NOS2: variants seen among roughly 807,000 people sequenced by gnomAD.
NOS2 encodes the protein nitric oxide synthase, inducible.
In NOS2, 96 loss-of-function variants were observed where a neutral mutation model predicts 136.0. That is an observed-to-expected ratio of 0.71 (90% CI 0.60 to 0.84). The LOEUF (loss-of-function observed/expected upper bound fraction) is 0.84. Ranked by LOEUF, NOS2 falls within the 40% of genes least tolerant of loss-of-function variation. NOS2 has a pLI of 0.00. For missense variants in NOS2, 1,237 were observed against 1,496.9 expected (o/e 0.83, Z 2.87); for synonymous variants, 539 against 587.5 (o/e 0.92, Z 1.20).
intron 5 of NOS2, among the ~76,000 whole-genome samples, chr17:27,787,251 T>C (rs1263156789): frequency 6.6e-6 from 1 of 152,056 alleles, no homozygotes; most frequent in Non-Finnish European, 1.5e-5. Context: ...AATTAAAGGG[T>C]CCATATTAAT....
Position 27,762,778 on chromosome 17 carries a change from A to T in NOS2, c.2800+20T>A, listed in dbSNP as rs1202155307. The T allele has an allele frequency of 4.6e-6, 7 of 1,516,196 alleles. No individual in the cohort carries two copies. The highest frequency in any genetic ancestry group is 6.2e-6 in the Non-Finnish European group (7 of 1,121,314). The allele number at this position is 1,516,196 out of a possible 1,614,324, so 93.9% of individuals were successfully genotyped here. ...AATGGGCGGAGCGGGGCTGTTCCAG[A>T]GCCTCTGCCCCTGGCTCACCTCGGG... On this transcript the variant is annotated intron_variant, in intron 22 of 26. Transcript: ENST00000313735.
At chr17:27,784,964 G>A (rs895780328) in intron 5 of NOS2, among the ~76,000 whole-genome samples, 3 of 152,142 alleles carry the variant, frequency 2.0e-5, no homozygotes, top group South Asian at 2.1e-4. Context: ...ACCAAGCATG[G>A]CCCTGTAGCC....
At chr17:27,759,834 A>C (rs1254453797) in intron 25 of NOS2, among the ~76,000 whole-genome samples, 196 bp downstream of exon 25, 1 of 152,108 alleles carries the variant, frequency 6.6e-6, no homozygotes, top group Non-Finnish European at 1.5e-5. Context: ...GTTAGTCCTG[A>C]ACCTCTCCAG....
chr17:27,763,130 G>C, intron 21 of NOS2, 125 bp from the exon 22 acceptor site: 1 of 682,722 alleles, frequency 1.5e-6, no homozygotes, highest in South Asian at 1.9e-5. Context: ...GCCAGGCACT[G>C]TCCATGGTGC....
chr17:27,793,700 G>C (rs1261981295), intron 2 of NOS2: 5 of 394,758 alleles, frequency 1.3e-5, no homozygotes, highest in Non-Finnish European at 2.2e-5. Context: ...CGCATGGCCC[G>C]GCTCCTTAGG....
Position 27,760,096 on chromosome 17 carries a change from C to A in NOS2, c.3093G>T (p.Glu1031Asp), listed in dbSNP as rs753551117. 12 of 1,606,598 alleles carry A rather than the reference C, an allele frequency of 7.5e-6. No individual in the cohort carries two copies. The highest frequency in any genetic ancestry group is 1.3e-5 in the African/African-American group (1 of 74,536). Residue 1031 changes from glutamate (E) to aspartate (D), a missense_variant, in exon 25 of 27, where the codon GAG becomes GAT. Around this residue, in one of 3 missense-constraint regions of NOS2, gnomAD observed 782 missense variants for 909.9 expected, o/e 0.86. Coordinates refer to ENST00000313735, the MANE Select transcript of NOS2 (RefSeq NM_000625.4). ...CATGCAGCACCCCCTTCTGGGCCAT[C>A]TCCAGCATCTCCTCCTGGTAGATGT... ...EDHIYQEEML[E>D]MAQKGVLHAV...
Position 27,766,531 on chromosome 17 carries a change from T to C in NOS2, c.2225A>G (p.Asn742Ser), listed in dbSNP as rs1261785884. The C allele has an allele frequency of 3.1e-6, 5 of 1,614,036 alleles. No individual in the cohort carries two copies. Among genetic ancestry groups the C allele is most frequent in the Non-Finnish European group, 4.2e-6 (5 of 1,179,976 alleles). Residue 742 changes from asparagine (N) to serine (S), a missense_variant, in exon 19 of 27, where the codon AAT becomes AGT. Transcript: ENST00000313735. ...VFTMRLKSRQ[N>S]LQSPTSSRAT... ...TTACCTGGATGTCGGACTTTGTAGA[T>C]TCTGCCGAGATTTGAGCCTCATGGT... is the stretch of plus-strand genomic sequence containing the variant.
At chr17:27,772,151 C>T (rs770780618) in intron 14 of NOS2, among the ~76,000 whole-genome samples, 157 bp downstream of exon 14, 29 of 152,128 alleles carry the variant, frequency 1.9e-4, no homozygotes, top group Non-Finnish European at 4.3e-4. Context: ...GTTTTGGAAT[C>T]CCTGCACACA....
intron 1 of NOS2, among the ~76,000 whole-genome samples, chr17:27,799,407 CT>C (rs1468024018): frequency 6.6e-6 from 1 of 152,196 alleles, no homozygotes; most frequent in Non-Finnish European, 1.5e-5. Context: ...ACTTGCTCCT[CT>C]TTTATTATGT....
intron 19 of NOS2, 128 bp from the exon 20 acceptor site, chr17:27,765,844 C>A: frequency 9.6e-7 from 1 of 1,043,198 alleles, no homozygotes; most frequent in Non-Finnish European, 1.4e-6. Flanking sequence ...CAAGCTAGGC[C>A]ACCACCCTGA....
chr17:27,782,914 T>A, intron 6 of NOS2, 30 bp downstream of exon 6: 1 of 1,611,084 alleles, frequency 6.2e-7, no homozygotes, highest in Non-Finnish European at 8.5e-7. Context: ...CGCCTCCAGC[T>A]CTCTCCCGCT....
Position 27,770,960 on chromosome 17 carries a change from C to G in NOS2, c.1762G>C (p.Val588Leu). 1.2e-6 allele frequency: 2 copies of G among 1,614,194 alleles called. No individual in the cohort carries two copies. Among genetic ancestry groups the G allele is most frequent in the Non-Finnish European group, 1.7e-6 (2 of 1,180,022 alleles). The change falls in exon 15 of 27, where the codon GTG (valine) becomes CTG (leucine). Residue 588 changes from valine (V) to leucine (L), a missense_variant. Coordinates refer to ENST00000313735, the MANE Select transcript of NOS2 (RefSeq NM_000625.4). ...CCATTGCCAAACGTACTGGTCACCACCAACAGCAGCCGTTCCTCCTCCAGG... is the reference window on the plus strand; with the variant it reads ...CCATTGCCAAACGTACTGGTCACCAGCAACAGCAGCCGTTCCTCCTCCAGG... ...SCLEEERLLL[V>L]VTSTFGNGDC...
intron 18 of NOS2, 98 bp from the exon 19 acceptor site, chr17:27,766,686 C>T: frequency 1.1e-6 from 1 of 881,812 alleles, no homozygotes; most frequent in Middle Eastern, 2.2e-4. Context: ...TGAACACCAC[C>T]CTTGGGGCAT....
chr17:27,763,154 CTT>C (rs2151325461), intron 21 of NOS2, 149 bp from the exon 22 acceptor site: 1 of 592,534 alleles, frequency 1.7e-6, no homozygotes, highest in East Asian at 3.1e-5. Flanking sequence ...GACGACCAAA[CTT>C]GAGACAAAAT....
At chr17:27,760,207 T>A (rs201704324) in intron 24 of NOS2, 29 bp from the exon 25 acceptor site, 5 of 1,516,856 alleles carry the variant, frequency 3.3e-6, no homozygotes, top group Non-Finnish European at 2.6e-6. Flanking sequence ...GTTGTTACCA[T>A]GTTGGCCACC....
chr17:27,789,711 T>A, intron 2 of NOS2, 23 bp from the exon 3 acceptor site: 1 of 1,570,738 alleles, frequency 6.4e-7, no homozygotes, highest in Non-Finnish European at 8.8e-7. Context: ...ACAGCTAGCA[T>A]GAGATGCGGT....
chr17:27,787,067 A>G (rs185556588), intron 5 of NOS2, among the ~76,000 whole-genome samples: 1 of 152,158 alleles, frequency 6.6e-6, no homozygotes, highest in Non-Finnish European at 1.5e-5. Context: ...GAAATGTAGA[A>G]CCCCACCAGG....
At position 27,800,477 on chromosome 17, in the gene NOS2, A is replaced by C. The variant is rs202243635; in HGVS notation, c.-212T>G. ...GCCGAGAGATTTTAAAGCAGGAATG[A>C]GGCTGAGTTCTCTGCGGCCGGAGCC... On this transcript the variant is annotated 5_prime_UTR_variant, in exon 1 of 27. Coordinates refer to ENST00000313735, the MANE Select transcript of NOS2 (RefSeq NM_000625.4). The C allele has an allele frequency of 6.6e-6, 1 of 152,358 alleles. No homozygotes were observed. The highest frequency in any genetic ancestry group is 2.1e-4 in the South Asian group (1 of 4,824). 9.4% of individuals were successfully genotyped at this position (152,358 alleles called of 1,614,324 possible). A position where few individuals can be genotyped will look rare whatever the true frequency, so the allele number is the denominator to read the frequency against.
intron 26 of NOS2, among the ~76,000 whole-genome samples, chr17:27,758,196 G>A (rs1444883769): frequency 3.3e-5 from 5 of 152,164 alleles, no homozygotes; most frequent in African/African-American, 4.8e-5. Flanking sequence ...TCAGTTGAAC[G>A]TATGAATGTG....
Sources: allele counts gnomAD v4.1 joint callset (sites outside exome capture counted in the v4.1 genomes callset), GRCh38; gene constraint gnomAD v4.1.1; regional missense constraint gnomAD v4.1.1; transcripts MANE v1.5; gene names NCBI Gene and HGNC (gene_info 2026-07-23, HGNC 2026-07-21).